Variants in FAM167A observed in about 807,000 individuals in gnomAD.
FAM167A encodes the protein protein FAM167A.
FAM167A carries 23 observed loss-of-function variants against 14.9 expected under a neutral mutation model. That is an observed-to-expected ratio of 1.55 (90% CI 1.11 to 2.19). The LOEUF (loss-of-function observed/expected upper bound fraction) is 2.19. FAM167A is among the 30% of genes most tolerant of loss of function. The pLI is 0.00. For missense variants in FAM167A, 401 were observed against 281.5 expected (o/e 1.42, Z -3.04); for synonymous variants, 174 against 117.7 (o/e 1.48, Z -3.10).
chr8:11,439,756 G>T (rs1426503198), intron 2 of FAM167A, among the ~76,000 whole-genome samples: 2 of 152,216 alleles, frequency 1.3e-5, no homozygotes, highest in Admixed American at 1.3e-4. Flanking sequence ...TCCTGGCACT[G>T]CATAAACCAC....
chr8:11,439,037 T>C (rs117084385), intron 2 of FAM167A, among the ~76,000 whole-genome samples: 3,937 of 152,346 alleles, frequency 0.026, 65 homozygotes, highest in Non-Finnish European at 0.042. Flanking sequence ...TCAGGGCCCC[T>C]TGACTTGGAC....
chr8:11,460,467 C>T (rs1807494856), intron 1 of FAM167A, among the ~76,000 whole-genome samples: 1 of 152,196 alleles, frequency 6.6e-6, no homozygotes, highest in South Asian at 2.1e-4. Context: ...TGGAGCCACC[C>T]CCACGGGGCC....
In FAM167A at chr8:11,424,343, T is replaced by TCCAGCCCC. The variant is rs763754784; in HGVS notation, c.*22_*29dup. 1.1e-5 allele frequency: 18 copies of TCCAGCCCC among 1,611,354 alleles called. No individual in the cohort carries two copies. Among genetic ancestry groups the TCCAGCCCC allele is most frequent in the Non-Finnish European group, 1.5e-5 (18 of 1,178,008 alleles). On this transcript the variant is annotated 3_prime_UTR_variant, in exon 3 of 3. Coordinates refer to ENST00000284486, the MANE Select transcript of FAM167A (RefSeq NM_053279.3). ...CACCCCTCCAGCCCAAGCCCTCCGC[T>TCCAGCCCC]CCAGCCCCTCCGCCCAGTCTGAGGG... is the stretch of plus-strand genomic sequence containing the variant.
intron 1 of FAM167A, among the ~76,000 whole-genome samples, chr8:11,455,843 G>T (rs1395583768): frequency 1.1e-4 from 10 of 87,160 alleles, no homozygotes; most frequent in African/African-American, 4.3e-4. Flanking sequence ...TGAGTGTGAG[G>T]GTTGGTTGCC....
chr8:11,447,284 C>T (rs56004143), intron 1 of FAM167A, among the ~76,000 whole-genome samples: 4,809 of 151,560 alleles, frequency 0.032, 109 homozygotes, highest in Middle Eastern at 0.071. Context: ...TGGGTTCAAG[C>T]GATTCTCCTG....
At chr8:11,446,502 C>G (rs1585262434) in intron 1 of FAM167A, 1 of 152,174 alleles carries the variant, frequency 6.6e-6, no homozygotes, top group South Asian at 2.1e-4. Context: ...TCAGCTCCCC[C>G]GATGATCCGA....
At position 11,424,635 on chromosome 8, in the gene FAM167A, G is replaced by C. The variant is rs143521673; in HGVS notation, c.383C>G (p.Thr128Arg). The C allele has an allele frequency of 1.9e-6, 3 of 1,613,320 alleles. No homozygotes were observed. Among genetic ancestry groups the C allele is most frequent in the Non-Finnish European group, 2.5e-6 (3 of 1,179,702 alleles). Residue 128 changes from threonine (T) to arginine (R), a missense_variant and splice_region_variant, in exon 3 of 3, where the codon ACG (threonine) becomes AGG (arginine). By Grantham distance (71) the Thr-to-Arg change is moderately conservative. Coordinates refer to ENST00000284486, the MANE Select transcript of FAM167A (RefSeq NM_053279.3). ...EAIAWLRKEL[T>R]EMRLQDQQLA... ...TTGCTGGTCCTGCAGCCGCATCTCCGTCTGGAAGGGAGGGGGAGCAGGCAG... is the reference window on the plus strand; with the variant it reads ...TTGCTGGTCCTGCAGCCGCATCTCCCTCTGGAAGGGAGGGGGAGCAGGCAG...
chr8:11,425,671 C>CA (rs1805084790), intron 2 of FAM167A, among the ~76,000 whole-genome samples: 1 of 151,866 alleles, frequency 6.6e-6, no homozygotes, highest in African/African-American at 2.4e-5. Context: ...TTGTTATACC[C>CA]CCCCTTGCTG....
chr8:11,424,644 G>A lies in FAM167A; in HGVS notation c.382-8C>T. 1.2e-6 allele frequency: 2 copies of A among 1,612,976 alleles called. No homozygotes were observed. The highest frequency in any genetic ancestry group is 1.7e-5 in the Admixed American group (1 of 60,010). On this transcript the variant is annotated splice_region_variant and splice_polypyrimidine_tract_variant and intron_variant, in intron 2 of 2. Coordinates refer to ENST00000284486, the MANE Select transcript of FAM167A (RefSeq NM_053279.3). ...CTGCAGCCGCATCTCCGTCTGGAAG[G>A]GAGGGGGAGCAGGCAGGGTCAGCAG...
chr8:11,465,964 A>C (rs546334679), intron 1 of FAM167A, among the ~76,000 whole-genome samples: 20 of 152,160 alleles, frequency 1.3e-4, no homozygotes, highest in African/African-American at 4.8e-4. Context: ...CCAGGCAGTA[A>C]CGGGTGTGCA....
chr8:11,445,475 G>A (rs550708363), intron 1 of FAM167A: 27 of 985,832 alleles, frequency 2.7e-5, no homozygotes, highest in African/African-American at 1.4e-4. Context: ...GGAAGAAGGC[G>A]GTGGCACCTG....
At chr8:11,461,366 G>A (rs111697900) in intron 1 of FAM167A, among the ~76,000 whole-genome samples, 6,640 of 152,380 alleles carry the variant, frequency 0.044, 185 homozygotes, top group Middle Eastern at 0.095. Context: ...AGGCAGGGAT[G>A]CCCAGACGGG....
Position 11,431,941 on chromosome 8 carries a change from G to T in FAM167A, c.382-7305C>A, listed in dbSNP as rs147853153. On this transcript the variant is annotated intron_variant, in intron 2 of 2. Coordinates refer to ENST00000284486, the MANE Select transcript of FAM167A (RefSeq NM_053279.3). ...AAAAGGATTTTGTTCTTTGCCAAAG[G>T]CCCGAGAGGCTGGCCGGGGTGACTC... 7.1e-3 allele frequency among the ~76,000 whole-genome samples: 1,038 copies of T among 146,540 alleles called. 19 individuals are homozygous for T. Among genetic ancestry groups the T allele is most frequent in the African/African-American group, 0.024 (939 of 38,964 alleles).
At chr8:11,452,272 T>C (rs761788111) in intron 1 of FAM167A, among the ~76,000 whole-genome samples, 1 of 152,150 alleles carries the variant, frequency 6.6e-6, no homozygotes, top group African/African-American at 2.4e-5. Flanking sequence ...CGCATATGAG[T>C]GAATTTATCC....
intron 2 of FAM167A, among the ~76,000 whole-genome samples, chr8:11,437,281 G>A (rs908426644): frequency 1.3e-5 from 2 of 152,092 alleles, no homozygotes. Flanking sequence ...GATAGTAATC[G>A]TGCCTACCCG....
intron 1 of FAM167A, among the ~76,000 whole-genome samples, chr8:11,451,153 T>G (rs1385582578): frequency 1.3e-5 from 2 of 152,150 alleles, no homozygotes; most frequent in Non-Finnish European, 2.9e-5. Context: ...AGTTTTGGTG[T>G]CAGAACCACT....
At chr8:11,428,909 A>G (rs974073326) in intron 2 of FAM167A, among the ~76,000 whole-genome samples, 1 of 152,248 alleles carries the variant, frequency 6.6e-6, no homozygotes, top group Non-Finnish European at 1.5e-5. Context: ...AATCTGAGCA[A>G]AATGTGCAAG....
intron 2 of FAM167A, among the ~76,000 whole-genome samples, chr8:11,439,773 G>T (rs537433826): frequency 6.6e-6 from 1 of 152,332 alleles, no homozygotes; most frequent in East Asian, 1.9e-4. Flanking sequence ...CCACGTGGAA[G>T]ACTTTATTGC....
At chr8:11,465,608 C>T (rs1475811892) in intron 1 of FAM167A, among the ~76,000 whole-genome samples, 1 of 152,248 alleles carries the variant, frequency 6.6e-6, no homozygotes, top group Non-Finnish European at 1.5e-5. Context: ...ATCCTGCCAA[C>T]GCCCTCAGGC....
Sources: gnomAD v4.1 joint callset for allele counts (sites outside exome capture counted in the v4.1 genomes callset) on GRCh38, gnomAD v4.1.1 for gene constraint, MANE v1.5 for transcripts, NCBI Gene and HGNC (gene_info 2026-07-23, HGNC 2026-07-21) for gene names.